ASMTL: variants seen among roughly 807,000 people sequenced by gnomAD.
ASMTL encodes probable bifunctional dTTP/UTP pyrophosphatase/methyltransferase protein.
A neutral mutation model predicts 60.3 loss-of-function variants in ASMTL; 57 were observed. The observed-to-expected ratio is 0.95, with a 90% CI of 0.76 to 1.18. The LOEUF is 1.18. Ranked by LOEUF, ASMTL falls within the 50% of genes most tolerant of loss-of-function variation. ASMTL has a pLI of 0.00. For missense variants in ASMTL, 981 were observed against 852.6 expected (o/e 1.15, Z -1.88); for synonymous variants, 419 against 373.0 (o/e 1.12, Z -1.42).
At chrX:1,412,176 C>G (rs1245386095) in intron 12 of ASMTL, among the ~76,000 whole-genome samples, 1 of 152,088 alleles carries the variant, frequency 6.6e-6, no homozygotes, top group Non-Finnish European at 1.5e-5. Flanking sequence ...GCCTCTCACC[C>G]AGACGCTGGA....
chrX:1,433,501 T>TAAAAAAAAAA (rs35959333), intron 5 of ASMTL, among the ~76,000 whole-genome samples: 7 of 99,122 alleles, frequency 7.1e-5, no homozygotes, highest in Non-Finnish European at 9.6e-5. Context: ...CCGTCTCTAC[T>TAAAAAAAAAA]AAAAAAAAAA....
At chrX:1,452,605 C>T (rs2091425337) in intron 1 of ASMTL, 143 bp downstream of exon 1, 1 of 662,190 alleles carries the variant, frequency 1.5e-6, no homozygotes, top group Non-Finnish European at 2.5e-6. Context: ...CCCTGGAGGT[C>T]CCGGGACACT....
Position 1,432,257 on chromosome X carries a change from C to T in ASMTL, c.509+12G>A, listed in dbSNP as rs757552077. ...ACGTGTCCCCCGTCCCCCCACCGCC[C>T]CCGAGACTCACATGGGCTCCCCGCT... On this transcript the variant is annotated intron_variant, in intron 6 of 12. Coordinates refer to ENST00000381317, the MANE Select transcript of ASMTL (RefSeq NM_004192.4). The T allele has an allele frequency of 1.9e-6, 3 of 1,600,588 alleles. No homozygotes were observed. Among genetic ancestry groups the T allele is most frequent in the African/African-American group, 2.7e-5 (2 of 74,692 alleles).
intron 12 of ASMTL, among the ~76,000 whole-genome samples, chrX:1,410,753 CAT>C: frequency 2.6e-4 from 1 of 3,858 alleles, no homozygotes; most frequent in Middle Eastern, 0.25. Context: ...CATGGTGATG[CAT>C]GATGCATGCC....
chrX:1,436,486 G>T (rs2149333354), intron 3 of ASMTL, among the ~76,000 whole-genome samples: 1 of 152,262 alleles, frequency 6.6e-6, no homozygotes, highest in South Asian at 2.1e-4. Flanking sequence ...CCGAGTAGCT[G>T]GGACTACAGG....
intron 11 of ASMTL, 170 bp from the exon 12 acceptor site, chrX:1,413,024 C>A: frequency 1.4e-6 from 1 of 708,268 alleles, no homozygotes; most frequent in East Asian, 2.6e-5. Flanking sequence ...GAACAGAGCT[C>A]CATGAGGAGC....
At chrX:1,444,505 A>G (rs1272050872) in intron 1 of ASMTL, among the ~76,000 whole-genome samples, 3 of 152,038 alleles carry the variant, frequency 2.0e-5, no homozygotes, top group South Asian at 2.1e-4. Context: ...CTCTGCGCCC[A>G]GGCTCACTTT....
chrX:1,414,574 G>A (rs2090163781), intron 11 of ASMTL, among the ~76,000 whole-genome samples: 1 of 152,110 alleles, frequency 6.6e-6, no homozygotes, highest in Non-Finnish European at 1.5e-5. Context: ...CAGGCGTGGT[G>A]GCGGGCACTT....
chrX:1,413,695 G>C (rs1441585025), intron 11 of ASMTL: 2 of 152,282 alleles, frequency 1.3e-5, no homozygotes, highest in African/African-American at 4.8e-5. Flanking sequence ...ATTGAGTAAA[G>C]AATTTCAAAA....
At chrX:1,428,157 G>A in intron 6 of ASMTL, 36 bp from the exon 7 acceptor site, 1 of 1,569,764 alleles carries the variant, frequency 6.4e-7, no homozygotes, top group Admixed American at 1.7e-5. Flanking sequence ...GTGACAAGGA[G>A]GAGAAAAGTT....
chrX:1,440,385 C>T lies in ASMTL; in HGVS notation c.226-1241G>A, dbSNP rs1328195462. Among the ~76,000 whole-genome samples, 9 of 151,820 alleles carry T rather than the reference C, an allele frequency of 5.9e-5. No individual in the cohort carries two copies. The South Asian group carries it at 8.4e-4, about 14-fold the overall frequency. ...GATGACAGGTGTGAGCCACTGCACC[C>T]GGCCCCGAATGTATTTCTTATATTA... On this transcript the variant is annotated intron_variant, in intron 2 of 12. Coordinates refer to ENST00000381317, the MANE Select transcript of ASMTL (RefSeq NM_004192.4).
chrX:1,442,258 G>A lies in ASMTL; in HGVS notation c.153C>T (p.Phe51=), dbSNP rs202058812. 43 of 1,613,868 alleles carry A rather than the reference G, an allele frequency of 2.7e-5. No homozygotes were observed. The highest frequency in any genetic ancestry group is 1.7e-4 in the Middle Eastern group (1 of 6,034). Residue 51 remains phenylalanine (F), a synonymous_variant, in exon 2 of 13, where the codon TTC becomes TTT. Transcript: ENST00000381317. ...KFKEKLDKAS[F]ATPYGYAMET... ...CCATGGCGTACCCATACGGAGTAGC[G>A]AAGGAGGCTTTGTCCAGCTTCTCTT...
At chrX:1,411,424 G>A (rs1284195711) in intron 12 of ASMTL, among the ~76,000 whole-genome samples, 1 of 152,168 alleles carries the variant, frequency 6.6e-6, no homozygotes, top group Non-Finnish European at 1.5e-5. Flanking sequence ...TTCCCTCAGG[G>A]CCAGCTGGTT....
chrX:1,450,116 A>C (rs1177518068), intron 1 of ASMTL, among the ~76,000 whole-genome samples: 3 of 149,108 alleles, frequency 2.0e-5, no homozygotes, highest in Non-Finnish European at 4.5e-5. Context: ...AGTAACTATC[A>C]CCCCATTACC....
At chrX:1,445,861 G>A (rs1429760383) in intron 1 of ASMTL, among the ~76,000 whole-genome samples, 2 of 152,082 alleles carry the variant, frequency 1.3e-5, no homozygotes, top group African/African-American at 2.4e-5. Flanking sequence ...GGTGAGGTGC[G>A]ACCAGAAGAC....
chrX:1,418,523 G>C (rs2090382564), intron 10 of ASMTL, among the ~76,000 whole-genome samples: 1 of 152,084 alleles, frequency 6.6e-6, no homozygotes, highest in African/African-American at 2.4e-5. Flanking sequence ...ACGATGGCTG[G>C]TGCTACAGCA....
chrX:1,434,017 G>C (rs1413607750), intron 5 of ASMTL, among the ~76,000 whole-genome samples: 1 of 152,176 alleles, frequency 6.6e-6, no homozygotes, highest in African/African-American at 2.4e-5. Flanking sequence ...GGGATTGTGC[G>C]TGGAGGTCCC....
In ASMTL at chrX:1,438,205, C is replaced by A. The variant is rs747785116; in HGVS notation, c.273+892G>T. 1.8e-4 allele frequency among the ~76,000 whole-genome samples: 27 copies of A among 152,046 alleles called. No homozygotes were observed. The East Asian group carries it at 4.9e-3, about 27-fold the overall frequency. On this transcript the variant is annotated intron_variant, in intron 3 of 12. Coordinates refer to ENST00000381317, the MANE Select transcript of ASMTL (RefSeq NM_004192.4). The stretch of plus-strand genomic sequence containing the variant: ...TCAGGAGGCAGGAGAATCGCTTGAA[C>A]CCGGGAGGCGGAGGTCCCGGTGAGC...
At chrX:1,450,342 C>T (rs1361690847) in intron 1 of ASMTL, among the ~76,000 whole-genome samples, 1 of 151,826 alleles carries the variant, frequency 6.6e-6, no homozygotes, top group African/African-American at 2.4e-5. Context: ...AAAGTCCAAC[C>T]ATCAGTCACA....
Sources: gnomAD v4.1 joint callset for allele counts (sites outside exome capture counted in the v4.1 genomes callset) on GRCh38, gnomAD v4.1.1 for gene constraint, MANE v1.5 for transcripts, NCBI Gene and HGNC (gene_info 2026-07-23, HGNC 2026-07-21) for gene names.